ANK2: variants seen among roughly 807,000 people sequenced by gnomAD.
ANK2 encodes the protein ankyrin-2.
ANK2 carries 83 observed loss-of-function variants against 360.5 expected under a neutral mutation model. The observed-to-expected ratio is 0.23, with a 90% CI of 0.19 to 0.28. ANK2 has a LOEUF of 0.28. Among genes scored for constraint, ANK2 ranks in the 10% least tolerant of loss-of-function variants. The probability of loss-of-function intolerance (pLI) is 1.00; values close to 1 mark genes in which losing one functional copy is unlikely to be tolerated. For missense variants in ANK2, 4,201 were observed against 4,795.7 expected (o/e 0.88, Z 3.66); for synonymous variants, 1,740 against 1,759.5 (o/e 0.99, Z 0.28).
chr4:112,813,466 T>A (rs976633241), upstream of ANK2, among the ~76,000 whole-genome samples: 1 of 152,136 alleles, frequency 6.6e-6, no homozygotes, highest in Non-Finnish European at 1.5e-5. Context: ...AGAATGCCGA[T>A]GAATAGTAAT....
At position 113,336,752 on chromosome 4, in the gene ANK2, C is replaced by T. The variant is rs764537997; in HGVS notation, c.3767C>T (p.Pro1256Leu). The change falls in exon 31 of 46, where the codon CCA (proline) becomes CTA (leucine). Residue 1256 changes from proline to leucine, a missense_variant. By Grantham distance (98) the Pro-to-Leu change is moderately conservative. Transcript: ENST00000357077. ...TTGAATGGTTTTGGGGGAGATGCAC[C>T]AACCTTAAGATTACTATGCAGCATA... Reference protein sequence around the residue: ...VMLNGFGGDAPTLRLLCSITG... With the variant: ...VMLNGFGGDALTLRLLCSITG... 4 of 1,613,938 alleles carry T rather than the reference C, an allele frequency of 2.5e-6. No homozygotes were observed. The highest frequency in any genetic ancestry group is 1.1e-5 in the South Asian group (1 of 91,080).
intron 18 of ANK2, 40 bp from the exon 19 acceptor site, chr4:113,287,565 C>T (rs2065309386): frequency 3.5e-6 from 5 of 1,419,416 alleles, no homozygotes; most frequent in Non-Finnish European, 4.0e-6. Context: ...AATGTATTTT[C>T]TTCTTCAACT....
chr4:112,846,496 T>C (rs1395242476), intron 1 of ANK2, among the ~76,000 whole-genome samples: 1 of 152,144 alleles, frequency 6.6e-6, no homozygotes, highest in Non-Finnish European at 1.5e-5. Context: ...TTCATTAGCT[T>C]CTTTTTAATC....
intron 33 of ANK2, 53 bp from the exon 34 acceptor site, chr4:113,342,964 C>T (rs981912691): frequency 1.2e-6 from 2 of 1,608,340 alleles, no homozygotes. Flanking sequence ...TTTGTGTAAA[C>T]AACAAGTATA....
At chr4:112,844,374 A>G (rs1333524481) in intron 1 of ANK2, among the ~76,000 whole-genome samples, 1 of 152,182 alleles carries the variant, frequency 6.6e-6, no homozygotes, top group Admixed American at 6.5e-5. Flanking sequence ...ATCATACATT[A>G]TTACTTACAT....
At chr4:113,150,928 G>C (rs2097050159) in intron 1 of ANK2, among the ~76,000 whole-genome samples, 1 of 152,150 alleles carries the variant, frequency 6.6e-6, no homozygotes, top group South Asian at 2.1e-4. Context: ...GAATCAATTA[G>C]GTTGTAGTCT....
intron 9 of ANK2, among the ~76,000 whole-genome samples, chr4:113,245,837 T>C (rs1371326835): frequency 1.3e-5 from 2 of 152,064 alleles, no homozygotes; most frequent in African/African-American, 4.8e-5. Flanking sequence ...GAGTTTTCAC[T>C]CTTGTCACCC....
intron 1 of ANK2, among the ~76,000 whole-genome samples, chr4:113,084,032 G>C (rs949564437): frequency 4.6e-5 from 7 of 152,130 alleles, no homozygotes; most frequent in African/African-American, 1.7e-4. Flanking sequence ...GGGGACTCAA[G>C]TTTATAAAGA....
At chr4:112,750,160 A>G in the ANK2 span, among the ~76,000 whole-genome samples, 2 of 152,138 alleles carry the variant, frequency 1.3e-5, no homozygotes, top group Admixed American at 1.3e-4. Context: ...GGCTGGGTGC[A>G]GTGGCTCACA....
chr4:113,055,295 G>A (rs1481573574), intron 1 of ANK2, among the ~76,000 whole-genome samples: 3 of 152,022 alleles, frequency 2.0e-5, no homozygotes, highest in Admixed American at 2.0e-4. Context: ...CAGCTACTGG[G>A]GACTGCTGGG....
intron 14 of ANK2, among the ~76,000 whole-genome samples, chr4:113,273,046 C>T (rs1232233986): frequency 6.6e-6 from 1 of 152,088 alleles, no homozygotes; most frequent in East Asian, 1.9e-4. Flanking sequence ...ATTTTATCTT[C>T]TAATGTGTTG....
At chr4:113,261,087 C>T (rs893109121) in intron 13 of ANK2, among the ~76,000 whole-genome samples, 4 of 152,166 alleles carry the variant, frequency 2.6e-5, no homozygotes, top group African/African-American at 7.2e-5. Flanking sequence ...TTAGTACCTG[C>T]TTTGGACATG....
At chr4:113,252,211 T>G (rs1355829338) in intron 10 of ANK2, among the ~76,000 whole-genome samples, 1 of 152,118 alleles carries the variant, frequency 6.6e-6, no homozygotes, top group Non-Finnish European at 1.5e-5. Context: ...CATCAGATCT[T>G]GTGAGACTTA....
intron 1 of ANK2, among the ~76,000 whole-genome samples, chr4:113,154,094 A>G (rs1005958988): frequency 3.0e-4 from 46 of 152,292 alleles, no homozygotes; most frequent in African/African-American, 1.1e-3. Context: ...AGTAGCTGAG[A>G]CCACATGGGA....
intron 1 of ANK2, among the ~76,000 whole-genome samples, chr4:112,820,304 C>T (rs2056630812): frequency 6.6e-6 from 1 of 152,148 alleles, no homozygotes; most frequent in African/African-American, 2.4e-5. Flanking sequence ...AGTCTTAGAA[C>T]TGGACCAGAC....
At chr4:113,076,809 A>AG (rs1407769278) in intron 1 of ANK2, among the ~76,000 whole-genome samples, 5 of 151,708 alleles carry the variant, frequency 3.3e-5, no homozygotes, top group Non-Finnish European at 7.4e-5. Context: ...AAAAGAAAAA[A>AG]AAAAAACTGA....
intron 2 of ANK2, among the ~76,000 whole-genome samples, chr4:113,037,223 T>G (rs2061802736): frequency 6.6e-6 from 1 of 151,952 alleles, no homozygotes; most frequent in African/African-American, 2.4e-5. Flanking sequence ...GAAATACTCT[T>G]ATAATTGGTT....
intron 1 of ANK2, among the ~76,000 whole-genome samples, chr4:113,081,917 C>T (rs2082559598): frequency 6.6e-6 from 1 of 151,102 alleles, no homozygotes; most frequent in African/African-American, 2.4e-5. Flanking sequence ...TCAAGTGATT[C>T]TCCTGCCTCA....
intron 1 of ANK2, among the ~76,000 whole-genome samples, chr4:112,878,088 T>C (rs575250032): frequency 1.4e-4 from 22 of 152,244 alleles, no homozygotes; most frequent in African/African-American, 5.3e-4. Flanking sequence ...GCTTGTGAGT[T>C]TGAAACCTAT....
Sources: allele counts gnomAD v4.1 joint callset (sites outside exome capture counted in the v4.1 genomes callset), GRCh38; gene constraint gnomAD v4.1.1; transcripts MANE v1.5; gene names NCBI Gene and HGNC (gene_info 2026-07-23, HGNC 2026-07-21).